The following GPC5 variants were observed in gnomAD, a reference collection of about 807,000 sequenced individuals.
The protein encoded by GPC5 is glypican-5.
Under a neutral mutation model 53.9 loss-of-function variants are expected in GPC5, and 47 were observed. The observed-to-expected ratio is 0.87, with a 90% CI of 0.69 to 1.11. The LOEUF (loss-of-function observed/expected upper bound fraction) is 1.11. Ranked by LOEUF, GPC5 falls within the 50% of genes most tolerant of loss-of-function variation. The pLI is 0.00. For missense variants in GPC5, 748 were observed against 713.1 expected, an observed-to-expected ratio of 1.05 and a Z score of -0.56; for synonymous variants, 286 against 263.3, an observed-to-expected ratio of 1.09 and a Z score of -0.84.
intron 2 of GPC5, among the ~76,000 whole-genome samples, chr13:91,688,413 A>T (rs1237845226): frequency 1.3e-5 from 2 of 152,158 alleles, no homozygotes; most frequent in Non-Finnish European, 2.9e-5. Flanking sequence ...GATCACAGAT[A>T]TATAAAAATA....
At chr13:92,734,227 C>T (rs1888880149) in intron 7 of GPC5, among the ~76,000 whole-genome samples, 1 of 151,810 alleles carries the variant, frequency 6.6e-6, no homozygotes, top group Non-Finnish European at 1.5e-5. Flanking sequence ...CCTTCTGACT[C>T]TTAACATTTT....
intron 6 of GPC5, among the ~76,000 whole-genome samples, chr13:91,939,214 A>C (rs1304603528): frequency 6.6e-6 from 1 of 152,152 alleles, no homozygotes; most frequent in African/African-American, 2.4e-5. Context: ...TATACAGGCT[A>C]ACTTGATATG....
chr13:92,804,630 T>C (rs1490308900), intron 7 of GPC5, among the ~76,000 whole-genome samples: 1 of 151,940 alleles, frequency 6.6e-6, no homozygotes, highest in East Asian at 1.9e-4. Context: ...CTAATCAGAG[T>C]GGAAGTTGCT....
intron 5 of GPC5, among the ~76,000 whole-genome samples, chr13:91,795,134 TTTTATA>T (rs2038026517): frequency 6.6e-6 from 1 of 152,170 alleles, no homozygotes. Context: ...GTATGGATAT[TTTTATA>T]TATATAGTGT....
chr13:92,300,631 C>T (rs1367561545), intron 7 of GPC5, among the ~76,000 whole-genome samples: 1 of 152,162 alleles, frequency 6.6e-6, no homozygotes, highest in Non-Finnish European at 1.5e-5. Flanking sequence ...ATGTGCTGGA[C>T]TAATTTAAAG....
rs527899407 is a variant in GPC5 at position 92,148,658 on chromosome 13, G to T, written c.1561+3669G>T. On this transcript the variant is annotated intron_variant, in intron 7 of 7. Coordinates refer to ENST00000377067, the MANE Select transcript of GPC5 (RefSeq NM_004466.6). The stretch of plus-strand genomic sequence containing the variant: ...ATAGATAGTTCACTAGTAACCTGGG[G>T]TTGCAGGATTGGAATGGCTTTGAAC... Among the ~76,000 whole-genome samples the T allele has an allele frequency of 3.3e-5, 5 of 152,126 alleles. No homozygotes were observed. The South Asian group carries it at 1.0e-3, about 32-fold the overall frequency.
intron 7 of GPC5, among the ~76,000 whole-genome samples, chr13:92,624,474 C>G (rs2139120541): frequency 6.6e-6 from 1 of 152,254 alleles, no homozygotes; most frequent in Non-Finnish European, 1.5e-5. Flanking sequence ...ACACATTTTT[C>G]AGTATGATGC....
At chr13:92,800,395 C>A (rs1334148473) in intron 7 of GPC5, among the ~76,000 whole-genome samples, 1 of 151,814 alleles carries the variant, frequency 6.6e-6, no homozygotes, top group Non-Finnish European at 1.5e-5. Flanking sequence ...CAAACCCTAA[C>A]TACACTGCAT....
intron 5 of GPC5, among the ~76,000 whole-genome samples, chr13:91,811,606 T>C (rs1384589999): frequency 6.6e-6 from 1 of 151,172 alleles, no homozygotes; most frequent in East Asian, 2.0e-4. Context: ...ACTCCTATCC[T>C]AATAGCATGA....
chr13:91,455,493 T>C (rs1260593598), intron 2 of GPC5, among the ~76,000 whole-genome samples: 3 of 152,316 alleles, frequency 2.0e-5, no homozygotes, highest in East Asian at 1.9e-4. Context: ...CTTTATTTTG[T>C]ATTTTATTTA....
At chr13:91,973,654 G>C (rs545494408) in intron 6 of GPC5, among the ~76,000 whole-genome samples, 1 of 152,176 alleles carries the variant, frequency 6.6e-6, no homozygotes, top group Non-Finnish European at 1.5e-5. Flanking sequence ...TGGTGTGGAT[G>C]TCCTTTCTGT....
intron 2 of GPC5, among the ~76,000 whole-genome samples, chr13:91,645,761 AC>A (rs2034543830): frequency 6.6e-6 from 1 of 152,154 alleles, no homozygotes; most frequent in Non-Finnish European, 1.5e-5. Flanking sequence ...TGTTTCTCAA[AC>A]TTTAGCATAC....
At chr13:92,674,510 T>C (rs983068032) in intron 7 of GPC5, among the ~76,000 whole-genome samples, 1 of 151,778 alleles carries the variant, frequency 6.6e-6, no homozygotes, top group African/African-American at 2.4e-5. Context: ...AGGGAAATAA[T>C]GAAATCAAAA....
intron 7 of GPC5, among the ~76,000 whole-genome samples, chr13:92,459,546 C>T (rs1428623826): frequency 2.6e-5 from 4 of 152,168 alleles, no homozygotes; most frequent in African/African-American, 4.8e-5. Flanking sequence ...TTTCCCCTGA[C>T]AGCTGGACGA....
At chr13:92,692,584 G>A (rs940579440) in intron 7 of GPC5, among the ~76,000 whole-genome samples, 1 of 150,726 alleles carries the variant, frequency 6.6e-6, no homozygotes, top group African/African-American at 2.4e-5. Flanking sequence ...AATGCTAGAT[G>A]ATGAGTTAGT....
chr13:92,395,782 G>A (rs1489870971), intron 7 of GPC5, among the ~76,000 whole-genome samples: 1 of 152,026 alleles, frequency 6.6e-6, no homozygotes, highest in Non-Finnish European at 1.5e-5. Flanking sequence ...TTTAATGGGA[G>A]TCCACTGTTT....
chr13:92,861,796 A>G (rs1277949857), intron 7 of GPC5, among the ~76,000 whole-genome samples: 1 of 152,186 alleles, frequency 6.6e-6, no homozygotes, highest in Non-Finnish European at 1.5e-5. Flanking sequence ...AAATAAAAAT[A>G]TAGACCTATA....
intron 5 of GPC5, among the ~76,000 whole-genome samples, chr13:91,826,801 G>C: frequency 6.6e-6 from 1 of 152,010 alleles, no homozygotes; most frequent in Non-Finnish European, 1.5e-5. Flanking sequence ...TAAAAACACT[G>C]TTCAATTGAA....
At chr13:92,315,064 A>G (rs2043169971) in intron 7 of GPC5, among the ~76,000 whole-genome samples, 1 of 152,188 alleles carries the variant, frequency 6.6e-6, no homozygotes, top group Non-Finnish European at 1.5e-5. Flanking sequence ...GGTATGAGCC[A>G]CTGCTCCTGG....
Sources: gnomAD v4.1 joint callset for allele counts (sites outside exome capture counted in the v4.1 genomes callset) on GRCh38, gnomAD v4.1.1 for gene constraint, MANE v1.5 for transcripts, NCBI Gene and HGNC (gene_info 2026-07-23, HGNC 2026-07-21) for gene names.